Variants in GPR137C observed in about 807,000 individuals in gnomAD.
GPR137C encodes the protein G protein-coupled receptor 137C, also known as integral membrane protein GPR137C.
Under a neutral mutation model 43.4 loss-of-function variants are expected in GPR137C, and 27 were observed. The observed-to-expected ratio is 0.62, with a 90% CI of 0.46 to 0.86. The LOEUF is 0.86. GPR137C is among the 40% of genes least tolerant of loss of function. GPR137C has a pLI of 0.00. For missense variants in GPR137C, 522 were observed against 534.6 expected (o/e 0.98, Z 0.23); for synonymous variants, 285 against 226.9 (o/e 1.26, Z -2.30).
chr14:52,616,806 A>T (rs1957384), intron 3 of GPR137C, among the ~76,000 whole-genome samples: 18,478 of 152,080 alleles, frequency 0.12, 1,211 homozygotes, highest in East Asian at 0.21. Flanking sequence ...ATTCCATTTT[A>T]TGCTCAGCCC....
rs116074238 is a variant in GPR137C, at chr14:52,616,472, G to C, written c.718-15688G>C. 2.6e-3 allele frequency among the ~76,000 whole-genome samples: 393 copies of C among 152,142 alleles called. 2 individuals carry two copies. The highest frequency in any genetic ancestry group is 9.1e-3 in the African/African-American group (377 of 41,502). ...CCACGCCCAGGCTAATTTTTGTATT[G>C]TAAGTACAGATGGGTTTCACCACGT... On this transcript the variant is annotated intron_variant, in intron 3 of 6. Coordinates refer to ENST00000321662, the MANE Select transcript of GPR137C (RefSeq NM_001099652.2).
At chr14:52,558,626 A>T (rs1392908774) in intron 1 of GPR137C, among the ~76,000 whole-genome samples, 1 of 152,198 alleles carries the variant, frequency 6.6e-6, no homozygotes, top group East Asian at 1.9e-4. Context: ...ATTCCAAAAA[A>T]CATGGGTTCA....
At chr14:52,573,458 A>G (rs1207561149) in intron 1 of GPR137C, among the ~76,000 whole-genome samples, 1 of 152,246 alleles carries the variant, frequency 6.6e-6, no homozygotes, top group Non-Finnish European at 1.5e-5. Context: ...ACCTGATGAA[A>G]GCAAGCAATG....
Position 52,557,733 on chromosome 14 carries a change from C to G in GPR137C, c.444+4142C>G, listed in dbSNP as rs566532825. Among the ~76,000 whole-genome samples the G allele has an allele frequency of 2.6e-4, 39 of 152,246 alleles. 2 individuals are homozygous for G. In the South Asian group the frequency reaches 7.9e-3, roughly 31 times the overall value. ...TTTGTAACATTTGTCTTCACAACCC[C>G]CATGAAATAGAAAGAGATGTGATTT... On this transcript the variant is annotated intron_variant, in intron 1 of 6. Transcript: ENST00000321662.
chr14:52,633,559 G>A lies in GPR137C; in HGVS notation c.897G>A (p.Glu299=), dbSNP rs201645725. Residue 299 remains glutamate, a synonymous_variant, in exon 5 of 7, where the codon GAG becomes GAA. Transcript: ENST00000321662. ...ATGTAGAAGACATAAGTGGAGAAGA[G>A]TATATAGTATTTGGAATGGTCCTCT... is the stretch of plus-strand genomic sequence containing the variant. ...KAHVEDISGE[E]YIVFGMVLFL... The A allele has an allele frequency of 2.5e-4, 411 of 1,612,266 alleles. No individual in the cohort carries two copies. The highest frequency in any genetic ancestry group is 3.3e-4 in the Non-Finnish European group (389 of 1,178,546).
At chr14:52,572,736 G>C (rs997865912) in intron 1 of GPR137C, among the ~76,000 whole-genome samples, 1 of 152,212 alleles carries the variant, frequency 6.6e-6, no homozygotes, top group Non-Finnish European at 1.5e-5. Flanking sequence ...AGTATTGGAA[G>C]TTCTGGCCAG....
intron 1 of GPR137C, among the ~76,000 whole-genome samples, chr14:52,573,799 G>A (rs1042776802): frequency 1.3e-5 from 2 of 151,482 alleles, no homozygotes; most frequent in African/African-American, 4.9e-5. Context: ...CTACAGAATC[G>A]GAGGAAATTG....
chr14:52,576,216 A>G (rs2038549510), intron 1 of GPR137C, among the ~76,000 whole-genome samples: 1 of 152,254 alleles, frequency 6.6e-6, no homozygotes, highest in Non-Finnish European at 1.5e-5. Context: ...AAGTGAGAAC[A>G]TCAGTATTTG....
At chr14:52,611,838 C>T (rs894692182) in intron 3 of GPR137C, 11 of 675,938 alleles carry the variant, frequency 1.6e-5, no homozygotes, top group Non-Finnish European at 1.8e-5. Flanking sequence ...AGTGGTGTTG[C>T]AAGGATGAAA....
At chr14:52,614,556 C>T (rs2039077343) in intron 3 of GPR137C, among the ~76,000 whole-genome samples, 1 of 152,178 alleles carries the variant, frequency 6.6e-6, no homozygotes, top group African/African-American at 2.4e-5. Context: ...GGTGCAATCA[C>T]AGCTCACTGC....
At chr14:52,585,829 A>C (rs982853149) in intron 1 of GPR137C, among the ~76,000 whole-genome samples, 17 of 151,966 alleles carry the variant, frequency 1.1e-4, no homozygotes, top group Admixed American at 1.1e-3. Flanking sequence ...AGGGAGACTC[A>C]GTCTCAAAAA....
intron 1 of GPR137C, among the ~76,000 whole-genome samples, chr14:52,597,814 T>G (rs2038874786): frequency 6.6e-6 from 1 of 152,354 alleles, no homozygotes; most frequent in Non-Finnish European, 1.5e-5. Flanking sequence ...ATTATCTTTG[T>G]GTTCACTTTT....
intron 1 of GPR137C, among the ~76,000 whole-genome samples, chr14:52,568,173 G>A (rs1251566997): frequency 6.6e-6 from 1 of 152,106 alleles, no homozygotes; most frequent in African/African-American, 2.4e-5. Flanking sequence ...GCAGGGTGGG[G>A]CGTCACCTCA....
chr14:52,609,649 C>G (rs1481242932), intron 3 of GPR137C, among the ~76,000 whole-genome samples: 5 of 152,202 alleles, frequency 3.3e-5, no homozygotes, highest in Non-Finnish European at 7.3e-5. Context: ...TAAGCCTAGG[C>G]TTGCTCCATG....
At chr14:52,576,621 A>G (rs182998459) in intron 1 of GPR137C, among the ~76,000 whole-genome samples, 13 of 152,316 alleles carry the variant, frequency 8.5e-5, no homozygotes, top group Non-Finnish European at 1.0e-4. Flanking sequence ...TTACATCACT[A>G]TATACATCAT....
Position 52,554,146 on chromosome 14 carries a change from G to C in GPR137C, c.444+555G>C, listed in dbSNP as rs557760228. ...GATAAGCCTCACATAAATTTCGTTC[G>C]ATAGTTCCCCAGCAGGGTTGATGAT... On this transcript the variant is annotated intron_variant, in intron 1 of 6. Coordinates refer to ENST00000321662, the MANE Select transcript of GPR137C (RefSeq NM_001099652.2). 6.6e-5 allele frequency among the ~76,000 whole-genome samples: 10 copies of C among 152,232 alleles called. No individual in the cohort carries two copies. The South Asian group carries it at 1.2e-3, about 19-fold the overall frequency.
chr14:52,634,317 C>G (rs187871872), intron 6 of GPR137C, among the ~76,000 whole-genome samples: 1 of 152,046 alleles, frequency 6.6e-6, no homozygotes, highest in Non-Finnish European at 1.5e-5. Flanking sequence ...CTAGATAAAA[C>G]TCTTGGGAAG....
chr14:52,602,357 T>TA (rs1277852499), intron 3 of GPR137C, among the ~76,000 whole-genome samples: 1 of 151,960 alleles, frequency 6.6e-6, no homozygotes, highest in Non-Finnish European at 1.5e-5. Flanking sequence ...ATACCTTTGT[T>TA]ACGCTTTCAC....
At chr14:52,602,420 C>T (rs2038937715) in intron 3 of GPR137C, among the ~76,000 whole-genome samples, 1 of 151,910 alleles carries the variant, frequency 6.6e-6, no homozygotes, top group Non-Finnish European at 1.5e-5. Context: ...AAAGTTCAGA[C>T]TTTGGTCTTC....
Sources: gnomAD v4.1 joint callset for allele counts (sites outside exome capture counted in the v4.1 genomes callset) on GRCh38, gnomAD v4.1.1 for gene constraint, MANE v1.5 for transcripts, NCBI Gene and HGNC (gene_info 2026-07-23, HGNC 2026-07-21) for gene names.